The following MIR2052HG variants were observed in gnomAD, a reference collection of about 807,000 sequenced individuals.
The protein encoded by MIR2052HG is MIR2052 host gene.
At chr8:74,718,782 A>G (rs1809545601) in intron 4 of MIR2052HG, among the ~76,000 whole-genome samples, 1 of 152,142 alleles carries the variant, frequency 6.6e-6, no homozygotes, top group Non-Finnish European at 1.5e-5. Context: ...ATGGTGGAAG[A>G]AGTGATGGAG....
chr8:74,719,849 C>CTTTTTTTTTTTTTTTTTTTTTTT (rs10647233), intron 4 of MIR2052HG, among the ~76,000 whole-genome samples: 27 of 106,726 alleles, frequency 2.5e-4, no homozygotes, highest in East Asian at 9.3e-4. Context: ...TTTCTTTTTT[C>CTTTTTTTTTTTTTTTTTTTTTTT]TTTTTTTTTT....
At position 74,699,098 on chromosome 8, in the gene MIR2052HG, GCAAAAAAT is replaced by G. The variant is rs554022802; in HGVS notation, n.217-3280_217-3273del. 6.8e-4 allele frequency among the ~76,000 whole-genome samples: 103 copies of G among 151,944 alleles called. No individual in the cohort carries two copies. The Middle Eastern group carries it at 0.01, about 15-fold the overall frequency. ...TGCAAGAATGGCCATAATCAAAAAA[GCAAAAAAT>G]AATAGATGTTGGCATGGATGTAGTG... On this transcript the variant is annotated intron_variant and non_coding_transcript_variant, in intron 2 of 6. Coordinates refer to ENST00000523442, the Ensembl canonical transcript of MIR2052HG.
chr8:74,739,179 T>A (rs1809801609), intron 4 of MIR2052HG, among the ~76,000 whole-genome samples: 1 of 152,228 alleles, frequency 6.6e-6, no homozygotes, highest in African/African-American at 2.4e-5. Flanking sequence ...AGATGTAAAG[T>A]CATCATGAGA....
chr8:74,650,541 T>C (rs1453729709), intron 2 of MIR2052HG, among the ~76,000 whole-genome samples: 1 of 152,192 alleles, frequency 6.6e-6, no homozygotes, highest in African/African-American at 2.4e-5. Flanking sequence ...TATTTTTTCA[T>C]GTCTCTGGGG....
At chr8:74,688,903 C>T in intron 2 of MIR2052HG, among the ~76,000 whole-genome samples, 1 of 152,072 alleles carries the variant, frequency 6.6e-6, no homozygotes, top group East Asian at 1.9e-4. Context: ...TGAGTGAGAA[C>T]ATAAGATGTT....
intron 2 of MIR2052HG, among the ~76,000 whole-genome samples, chr8:74,697,787 T>C (rs545380293): frequency 3.7e-4 from 56 of 152,008 alleles, no homozygotes; most frequent in African/African-American, 1.3e-3. Flanking sequence ...CTTAAGACTA[T>C]ACCTAATCAA....
chr8:74,731,893 A>G (rs751143409), intron 4 of MIR2052HG, among the ~76,000 whole-genome samples: 20 of 152,206 alleles, frequency 1.3e-4, no homozygotes, highest in Non-Finnish European at 1.6e-4. Flanking sequence ...GAATAATTAT[A>G]GAAGTAGAAC....
chr8:74,724,837 C>G (rs1327558959), intron 4 of MIR2052HG, among the ~76,000 whole-genome samples: 1 of 152,124 alleles, frequency 6.6e-6, no homozygotes, highest in Non-Finnish European at 1.5e-5. Flanking sequence ...CCCACCATCT[C>G]AACACTGTAT....
intron 2 of MIR2052HG, among the ~76,000 whole-genome samples, chr8:74,686,957 T>C (rs1240739479): frequency 2.6e-5 from 4 of 152,166 alleles, no homozygotes; most frequent in Non-Finnish European, 4.4e-5. Flanking sequence ...ACAGATACTA[T>C]AGTTCTGACT....
At chr8:74,666,354 C>G (rs1021723451) in intron 2 of MIR2052HG, among the ~76,000 whole-genome samples, 12 of 152,218 alleles carry the variant, frequency 7.9e-5, no homozygotes, top group African/African-American at 2.7e-4. Context: ...AACTTCAAAG[C>G]CCACCCATCT....
At chr8:74,668,321 T>C (rs1394818249) in intron 2 of MIR2052HG, among the ~76,000 whole-genome samples, 1 of 152,172 alleles carries the variant, frequency 6.6e-6, no homozygotes, top group African/African-American at 2.4e-5. Context: ...AGATTATATA[T>C]GTACACACAC....
At chr8:74,732,949 G>A (rs981470461) in intron 4 of MIR2052HG, among the ~76,000 whole-genome samples, 2 of 152,114 alleles carry the variant, frequency 1.3e-5, no homozygotes, top group Non-Finnish European at 2.9e-5. Flanking sequence ...CCCTTAGAGA[G>A]CTGTGCACAT....
At chr8:74,600,607 A>C (rs1398057164) in intron 1 of MIR2052HG, among the ~76,000 whole-genome samples, 3 of 149,300 alleles carry the variant, frequency 2.0e-5, no homozygotes, top group Non-Finnish European at 4.4e-5. Context: ...AAAGAGACGG[A>C]GCTCTGTCAG....
At chr8:74,724,343 G>A (rs1166691137) in intron 4 of MIR2052HG, among the ~76,000 whole-genome samples, 2 of 152,110 alleles carry the variant, frequency 1.3e-5, no homozygotes, top group Non-Finnish European at 2.9e-5. Context: ...CATCCAGAAG[G>A]AACTTAAAGT....
At chr8:74,639,330 C>T (rs1808614226) in intron 2 of MIR2052HG, among the ~76,000 whole-genome samples, 1 of 152,162 alleles carries the variant, frequency 6.6e-6, no homozygotes. Flanking sequence ...GAGACACATT[C>T]TCACTTTTAT....
At chr8:74,678,769 TATA>T (rs560515922) in intron 2 of MIR2052HG, among the ~76,000 whole-genome samples, 94 of 151,732 alleles carry the variant, frequency 6.2e-4, no homozygotes, top group Admixed American at 3.7e-3. Context: ...ATGACAGTAA[TATA>T]ATAAAAAAGA....
At chr8:74,690,381 G>T (rs1809226750) in intron 2 of MIR2052HG, among the ~76,000 whole-genome samples, 1 of 152,194 alleles carries the variant, frequency 6.6e-6, no homozygotes, top group Admixed American at 6.5e-5. Flanking sequence ...GTGAGCTAAT[G>T]TACAGAGGCA....
intron 2 of MIR2052HG, among the ~76,000 whole-genome samples, chr8:74,638,307 A>C (rs1210755013): frequency 6.6e-6 from 1 of 152,180 alleles, no homozygotes; most frequent in Non-Finnish European, 1.5e-5. Context: ...TGAGAGCTAG[A>C]AGGGGCCAGT....
intron 2 of MIR2052HG, among the ~76,000 whole-genome samples, chr8:74,630,301 C>A (rs186446901): frequency 5.7e-4 from 87 of 152,132 alleles, no homozygotes; most frequent in African/African-American, 2.1e-3. Context: ...AAGTTTCCCT[C>A]TTCTCTCCCA....
Sources: gnomAD v4.1 joint callset for allele counts (sites outside exome capture counted in the v4.1 genomes callset) on GRCh38, gnomAD v4.1.1 for gene constraint, MANE v1.5 for transcripts, NCBI Gene and HGNC (gene_info 2026-07-23, HGNC 2026-07-21) for gene names.